MTHFD1L: variants seen among roughly 807,000 people sequenced by gnomAD.
MTHFD1L encodes the protein monofunctional C1-tetrahydrofolate synthase, mitochondrial.
Under a neutral mutation model 119.5 loss-of-function variants are expected in MTHFD1L, and 81 were observed. That is an observed-to-expected ratio of 0.68 (90% CI 0.57 to 0.82). The LOEUF (loss-of-function observed/expected upper bound fraction) is 0.82. Among genes scored for constraint, MTHFD1L ranks in the 40% least tolerant of loss-of-function variants. The pLI, the probability that MTHFD1L is intolerant of heterozygous loss-of-function variation, is 0.00. For synonymous variants in MTHFD1L, 430 were observed against 475.2 expected (o/e 0.90, Z 1.24); for missense variants, 1,125 against 1,253.4 (o/e 0.90, Z 1.55).
chr6:151,011,270 C>CT lies in MTHFD1L; in HGVS notation c.2265+1313dup, dbSNP rs1450016495. Among the ~76,000 whole-genome samples the CT allele has an allele frequency of 3.3e-5, 5 of 152,302 alleles. No individual in the cohort carries two copies. The East Asian group carries it at 7.7e-4, about 24-fold the overall frequency. ...ACTTCACTCAAAACACCCCTTGTTGCTACAGTCCTTCCTGGATTTTAGACA... is the reference window on the plus strand; with the variant it reads ...ACTTCACTCAAAACACCCCTTGTTGCTTACAGTCCTTCCTGGATTTTAGACA... On this transcript the variant is annotated intron_variant, in intron 21 of 27. Transcript: ENST00000367321.
chr6:150,981,535 AACTG>A (rs1777497842), intron 20 of MTHFD1L, among the ~76,000 whole-genome samples: 2 of 152,196 alleles, frequency 1.3e-5, no homozygotes, highest in South Asian at 2.1e-4. Context: ...AATAGATATT[AACTG>A]ACTGCATTGT....
intron 14 of MTHFD1L, 70 bp from the exon 15 acceptor site, chr6:150,945,397 A>T: frequency 8.0e-7 from 1 of 1,255,014 alleles, no homozygotes; most frequent in Non-Finnish European, 1.1e-6. Context: ...TTTTTGTCAT[A>T]TCCTGTGAAT....
chr6:151,084,383 G>T (rs1413097741), intron 26 of MTHFD1L, among the ~76,000 whole-genome samples: 2 of 152,174 alleles, frequency 1.3e-5, no homozygotes, highest in African/African-American at 4.8e-5. Context: ...CACCGGAGCA[G>T]GACGTTGTCT....
In MTHFD1L at chr6:150,868,339, A is replaced by ATT. The variant is rs34073444; in HGVS notation, c.227+2307_227+2308dup. Among the ~76,000 whole-genome samples, 862 of 136,662 alleles carry ATT rather than the reference A, an allele frequency of 6.3e-3. 12 individuals are homozygous for ATT. The highest frequency in any genetic ancestry group is 0.023 in the African/African-American group (818 of 36,200). 89.7% of individuals were successfully genotyped at this position (136,662 alleles called of 152,430 possible). Reference sequence around the variant, plus strand: ...GTCCCTCAACAAATGGTGGCTATTAATTTTTTTTTTTTTTTTTTGAGACGG... The same window carrying ATT: ...GTCCCTCAACAAATGGTGGCTATTAATTTTTTTTTTTTTTTTTTTTGAGACGG... On this transcript the variant is annotated intron_variant, in intron 1 of 27. Transcript: ENST00000367321.
At chr6:151,067,993 G>T (rs12211869) in intron 26 of MTHFD1L, among the ~76,000 whole-genome samples, 40,195 of 152,216 alleles carry the variant, frequency 0.26, 6,060 homozygotes, top group South Asian at 0.48. Context: ...TTTTTAGTGA[G>T]GCTCTAAGGG....
chr6:150,910,520 G>A (rs1012572212), intron 8 of MTHFD1L, among the ~76,000 whole-genome samples: 4 of 145,486 alleles, frequency 2.7e-5, no homozygotes, highest in East Asian at 2.1e-4. Flanking sequence ...CTGAGATCGC[G>A]CTCCAGCCTG....
chr6:151,090,985 T>C (rs1794349894), intron 26 of MTHFD1L, among the ~76,000 whole-genome samples: 3 of 136,510 alleles, frequency 2.2e-5, no homozygotes, highest in Non-Finnish European at 1.6e-5. Context: ...TGCGACTGGG[T>C]GCAGCATCGT....
At chr6:150,978,268 G>C (rs1207433020) in intron 20 of MTHFD1L, among the ~76,000 whole-genome samples, 1 of 152,054 alleles carries the variant, frequency 6.6e-6, no homozygotes, top group Non-Finnish European at 1.5e-5. Context: ...ACATAAGAGA[G>C]AGAAAGAACT....
At chr6:151,000,894 T>G (rs763227174) in intron 20 of MTHFD1L, among the ~76,000 whole-genome samples, 1 of 152,266 alleles carries the variant, frequency 6.6e-6, no homozygotes, top group Non-Finnish European at 1.5e-5. Flanking sequence ...AGCATACACC[T>G]TGCTTGTTCC....
chr6:150,974,540 T>C (rs4869960), intron 20 of MTHFD1L, among the ~76,000 whole-genome samples: 4,199 of 152,208 alleles, frequency 0.028, 205 homozygotes, highest in Admixed American at 0.14. Flanking sequence ...CCATGCCCAT[T>C]AAATATTCCT....
chr6:151,021,879 G>A (rs1055446849), intron 24 of MTHFD1L: 11 of 363,876 alleles, frequency 3.0e-5, no homozygotes, highest in Admixed American at 1.2e-4. Context: ...ACATTCAGTC[G>A]GAATATTGTT....
At chr6:150,940,915 C>T (rs1437668461) in intron 13 of MTHFD1L, among the ~76,000 whole-genome samples, 1 of 152,130 alleles carries the variant, frequency 6.6e-6, no homozygotes, top group Non-Finnish European at 1.5e-5. Context: ...GTGGGCCAGA[C>T]ACACTCAGGC....
chr6:151,064,133 CTTTAA>C (rs199551833), intron 26 of MTHFD1L, among the ~76,000 whole-genome samples: 4,923 of 152,148 alleles, frequency 0.032, 160 homozygotes, highest in Admixed American at 0.1. Flanking sequence ...AATCAATGAA[CTTTAA>C]ATGAAAATCG....
chr6:151,035,288 C>T (rs1214703416), intron 25 of MTHFD1L, among the ~76,000 whole-genome samples: 3 of 152,140 alleles, frequency 2.0e-5, no homozygotes, highest in Admixed American at 1.3e-4. Context: ...CCGTATGCCT[C>T]GAGTGTCCCT....
At chr6:150,971,523 C>T (rs1336311395) in intron 19 of MTHFD1L, among the ~76,000 whole-genome samples, 1 of 151,986 alleles carries the variant, frequency 6.6e-6, no homozygotes, top group East Asian at 1.9e-4. Context: ...TTATGGTTAC[C>T]TTTTCTTGAA....
chr6:151,077,200 G>A (rs577637323), intron 26 of MTHFD1L, among the ~76,000 whole-genome samples: 2 of 152,212 alleles, frequency 1.3e-5, no homozygotes, highest in Admixed American at 1.3e-4. Context: ...AAAAGGGTCA[G>A]CAAAATAAAT....
chr6:151,088,941 G>A (rs1453076458), intron 26 of MTHFD1L, among the ~76,000 whole-genome samples: 2 of 152,232 alleles, frequency 1.3e-5, no homozygotes, highest in Non-Finnish European at 2.9e-5. Flanking sequence ...GTGTAAACAA[G>A]CATGCAGTAA....
intron 20 of MTHFD1L, among the ~76,000 whole-genome samples, chr6:150,973,818 G>A (rs1326665808): frequency 6.6e-6 from 1 of 152,322 alleles, no homozygotes; most frequent in African/African-American, 2.4e-5. Flanking sequence ...GGATGTGGAT[G>A]TGTAGCCGTG....
At chr6:150,954,518 T>A (rs560531522) in intron 16 of MTHFD1L, among the ~76,000 whole-genome samples, 1 of 151,620 alleles carries the variant, frequency 6.6e-6, no homozygotes, top group South Asian at 2.1e-4. Flanking sequence ...CAAAACCCCA[T>A]CTCTTCTAAA....
Sources: allele counts gnomAD v4.1 joint callset (sites outside exome capture counted in the v4.1 genomes callset), GRCh38; gene constraint gnomAD v4.1.1; transcripts MANE v1.5; gene names NCBI Gene and HGNC (gene_info 2026-07-23, HGNC 2026-07-21).